Variants in OGDH observed in about 807,000 individuals in gnomAD.
OGDH encodes the protein oxoglutarate dehydrogenase, also known as 2-oxoglutarate dehydrogenase complex component E1.
Under a neutral mutation model 116.6 loss-of-function variants are expected in OGDH, and 38 were observed. The observed-to-expected ratio is 0.33, with a 90% confidence interval of 0.25 to 0.43. The LOEUF (loss-of-function observed/expected upper bound fraction) is 0.43, where lower values mean the gene tolerates loss of function less well. OGDH is among the 20% of genes least tolerant of loss of function. The pLI is 1.00. For synonymous variants in OGDH, 488 were observed against 533.3 expected (o/e 0.92, Z 1.17); for missense variants, 825 against 1,357.2 (o/e 0.61, Z 6.16).
rs189474184 is a variant in OGDH, at chr7:44,684,166, C to T, written c.1335+2318C>T. Among the ~76,000 whole-genome samples, 52 of 152,232 alleles carry T rather than the reference C, an allele frequency of 3.4e-4. 1 individual carries two copies. Among genetic ancestry groups the T allele is most frequent in the African/African-American group, 1.2e-3 (50 of 41,546 alleles). On this transcript the variant is annotated intron_variant, in intron 10 of 22. Coordinates refer to ENST00000222673, the MANE Select transcript of OGDH (RefSeq NM_002541.4). ...TGTCTGAAGGAGTGGACAAGGCCAT[C>T]GCAGCTCATCGTTAGTGCAAGAGAG...
intron 2 of OGDH, among the ~76,000 whole-genome samples, chr7:44,641,612 T>A (rs1276020311): frequency 6.6e-6 from 1 of 152,188 alleles, no homozygotes; most frequent in Non-Finnish European, 1.5e-5. Flanking sequence ...CCTGCTCAGT[T>A]TCCTGCTGTA....
intron 5 of OGDH, among the ~76,000 whole-genome samples, chr7:44,673,328 A>G (rs1207372164): frequency 2.0e-5 from 3 of 152,202 alleles, no homozygotes; most frequent in East Asian, 3.8e-4. Context: ...AAATAAATAA[A>G]TAAATAAATA....
chr7:44,637,617 C>G (rs1164471557), intron 2 of OGDH, among the ~76,000 whole-genome samples: 1 of 151,744 alleles, frequency 6.6e-6, no homozygotes, highest in Non-Finnish European at 1.5e-5. Context: ...TTGAGACCAG[C>G]CTGGCCACCA....
intron 2 of OGDH, among the ~76,000 whole-genome samples, chr7:44,639,883 T>A (rs1785851051): frequency 6.6e-6 from 1 of 152,248 alleles, no homozygotes; most frequent in Non-Finnish European, 1.5e-5. Flanking sequence ...TCCCAGCAGC[T>A]CAGCAGTACC....
At chr7:44,672,875 T>G (rs1787529675) in intron 5 of OGDH, among the ~76,000 whole-genome samples, 1 of 152,178 alleles carries the variant, frequency 6.6e-6, no homozygotes, top group East Asian at 1.9e-4. Context: ...ACTCCTGACC[T>G]TGTGATCTGC....
At chr7:44,696,709 C>T in intron 14 of OGDH, 152 bp downstream of exon 14, 1 of 1,211,922 alleles carries the variant, frequency 8.3e-7, no homozygotes, top group Non-Finnish European at 1.1e-6. Context: ...TTGGATGGAG[C>T]CACCTCTCCC....
chr7:44,627,428 G>C (rs1037410107), intron 2 of OGDH, among the ~76,000 whole-genome samples: 4 of 152,212 alleles, frequency 2.6e-5, no homozygotes, highest in Admixed American at 2.6e-4. Context: ...AGATCACATA[G>C]TTTAAATAGA....
At position 44,675,174 on chromosome 7, in the gene OGDH, C is replaced by T; in HGVS notation, c.936-4C>T. On this transcript the variant is annotated splice_region_variant and splice_polypyrimidine_tract_variant and intron_variant, in intron 7 of 22. Coordinates refer to ENST00000222673, the MANE Select transcript of OGDH (RefSeq NM_002541.4). ...TGCTCACCCTACTCGCCCATACGTT[C>T]CAGAGGGCGGCTGAACGTGCTTGCA... 6.2e-7 allele frequency: 1 copy of T among 1,613,798 alleles called. No individual in the cohort carries two copies. The highest frequency in any genetic ancestry group is 8.5e-7 in the Non-Finnish European group (1 of 1,179,772).
chr7:44,638,981 G>A (rs1785798218), intron 2 of OGDH, among the ~76,000 whole-genome samples: 1 of 152,194 alleles, frequency 6.6e-6, no homozygotes, highest in Non-Finnish European at 1.5e-5. Context: ...AGGGCTGGGA[G>A]TATCAGAAGG....
chr7:44,675,925 A>T, intron 8 of OGDH, 45 bp from the exon 9 acceptor site: 1 of 1,578,516 alleles, frequency 6.3e-7, no homozygotes, highest in Non-Finnish European at 8.7e-7. Context: ...TTGGAGACTG[A>T]GCATCTCCTT....
At chr7:44,637,186 G>A (rs1025748788) in intron 2 of OGDH, among the ~76,000 whole-genome samples, 2 of 152,202 alleles carry the variant, frequency 1.3e-5, no homozygotes, top group African/African-American at 4.8e-5. Flanking sequence ...GGCAGGCACT[G>A]GCCAGGTGCT....
chr7:44,608,682 C>T (rs1319884725), intron 1 of OGDH, among the ~76,000 whole-genome samples: 4 of 151,374 alleles, frequency 2.6e-5, no homozygotes, highest in African/African-American at 9.7e-5. Context: ...GATGGCGCCA[C>T]GGCACTACAG....
At chr7:44,674,348 A>G in intron 6 of OGDH, 63 bp from the exon 7 acceptor site, 1 of 1,605,016 alleles carries the variant, frequency 6.2e-7, no homozygotes, top group South Asian at 1.1e-5. Flanking sequence ...CCTGGCCAGA[A>G]TCCCCTCTTT....
At chr7:44,646,252 C>G (rs1014815013) in intron 3 of OGDH, among the ~76,000 whole-genome samples, 2 of 152,286 alleles carry the variant, frequency 1.3e-5, no homozygotes. Flanking sequence ...CTGGAAGCTC[C>G]CATGGGCATC....
chr7:44,653,837 GT>G (rs111884223), intron 4 of OGDH, among the ~76,000 whole-genome samples: 2,491 of 150,300 alleles, frequency 0.017, 78 homozygotes, highest in African/African-American at 0.058. Context: ...AATTAAATTT[GT>G]TTTTTTTTAT....
intron 2 of OGDH, among the ~76,000 whole-genome samples, chr7:44,638,156 G>A (rs1039229740): frequency 2.6e-5 from 4 of 152,192 alleles, no homozygotes; most frequent in South Asian, 2.1e-4. Context: ...AAGGCAAGGG[G>A]ACAGATATTT....
intron 18 of OGDH, among the ~76,000 whole-genome samples, chr7:44,699,415 A>G (rs1585393904): frequency 7.5e-6 from 1 of 132,768 alleles, no homozygotes; most frequent in African/African-American, 3.1e-5. Context: ...ACAGAGGGAG[A>G]CTCCTGTCTC....
chr7:44,630,555 T>C (rs886651), intron 2 of OGDH, among the ~76,000 whole-genome samples: 80,690 of 152,076 alleles, frequency 0.53, 21,556 homozygotes, highest in East Asian at 0.72. Context: ...ATCAGAAATA[T>C]ATGTAGTCAT....
intron 2 of OGDH, 93 bp from the exon 3 acceptor site, chr7:44,645,215 AGCCAGCCTATGGTAGACTT>A (rs1221925925): frequency 1.4e-5 from 14 of 968,022 alleles, no homozygotes; most frequent in Non-Finnish European, 1.9e-5. Context: ...AAGCAGGCTC[AGCCAGCCTATGGTAGACTT>A]GCCTTGCCTG....
Sources: gnomAD v4.1 joint callset for allele counts (sites outside exome capture counted in the v4.1 genomes callset) on GRCh38, gnomAD v4.1.1 for gene constraint, MANE v1.5 for transcripts, NCBI Gene and HGNC (gene_info 2026-07-23, HGNC 2026-07-21) for gene names.